UPK1A: variants seen among roughly 807,000 people sequenced by gnomAD.
UPK1A encodes the protein uroplakin-1a.
A neutral mutation model predicts 32.3 loss-of-function variants in UPK1A; 31 were observed. That is an observed-to-expected ratio of 0.96 (90% confidence interval 0.72 to 1.30). UPK1A has a LOEUF of 1.30. Ranked by LOEUF, UPK1A falls within the 50% of genes most tolerant of loss-of-function variation. UPK1A has a pLI of 0.00. For missense variants in UPK1A, 340 were observed against 357.4 expected (o/e 0.95, Z 0.39); for synonymous variants, 135 against 137.1 (o/e 0.98, Z 0.11).
At chr19:35,666,565 G>A in intron 1 of UPK1A, 27 bp downstream of exon 1, 1 of 523,866 alleles carries the variant, frequency 1.9e-6, no homozygotes, top group Non-Finnish European at 3.4e-6. Flanking sequence ...GGGAGTCTGG[G>A]TATGGCATGA....
chr19:35,671,778 G>T (rs759294276), intron 3 of UPK1A, among the ~76,000 whole-genome samples: 8 of 151,866 alleles, frequency 5.3e-5, no homozygotes, highest in Non-Finnish European at 1.0e-4. Context: ...TTTCTTACAG[G>T]AAATTTCTAA....
At position 35,666,537 on chromosome 19, in the gene UPK1A, A is replaced by T. The variant is rs972868166; in HGVS notation, c.-6A>T. ...TGGCCAGAGAGGCTGCAGACAGAGAAGGTGAGGAGGGGGCCCTGGGAGTCT... is the reference window on the plus strand; with the variant it reads ...TGGCCAGAGAGGCTGCAGACAGAGATGGTGAGGAGGGGGCCCTGGGAGTCT... On this transcript the variant is annotated splice_region_variant and 5_prime_UTR_variant, in exon 1 of 8. In the 5' UTR this introduces an upstream ATG that the reference lacks. Coordinates refer to ENST00000617999, the Ensembl canonical transcript of UPK1A. The T allele has an allele frequency of 2.2e-6, 1 of 454,276 alleles. No individual in the cohort carries two copies. 28.1% of individuals were successfully genotyped at this position (454,276 alleles called of 1,614,324 possible). A position where few individuals can be genotyped will look rare whatever the true frequency, so the allele number is the denominator to read the frequency against.
At chr19:35,670,531 CTCCCCTCCTT>C (rs1306474998) in intron 3 of UPK1A, among the ~76,000 whole-genome samples, 2 of 78,918 alleles carry the variant, frequency 2.5e-5, no homozygotes, top group African/African-American at 5.2e-5. Flanking sequence ...CTCCCCTCCC[CTCCCCTCCTT>C]TCCCCTCCCC....
chr19:35,673,232 T>G, exon 4 of UPK1A: 1 of 1,614,046 alleles, frequency 6.2e-7, no homozygotes, highest in Non-Finnish European at 8.5e-7. Flanking sequence ...GTCTCCCCAG[T>G]ACCTGGTGCT....
At chr19:35,675,549 G>A (rs1828853524) in intron 5 of UPK1A, among the ~76,000 whole-genome samples, 1 of 151,060 alleles carries the variant, frequency 6.6e-6, no homozygotes, top group Admixed American at 6.6e-5. Context: ...CCAGAGAGCT[G>A]GGATTACAGG....
Position 35,673,167 on chromosome 19 carries a change from C to G in UPK1A, c.286-65C>G. On this transcript the variant is annotated intron_variant, in intron 3 of 7. Coordinates refer to ENST00000617999, the Ensembl canonical transcript of UPK1A. Reference sequence around the variant, plus strand: ...TAAAACTTGCATTTCCCCAGTGATGCTTCCCTGACGGGGTGTGGCTTCACG... The same window carrying G: ...TAAAACTTGCATTTCCCCAGTGATGGTTCCCTGACGGGGTGTGGCTTCACG... 1.9e-6 allele frequency: 3 copies of G among 1,546,372 alleles called. No individual in the cohort carries two copies. The South Asian group carries it at 3.3e-5, about 17-fold the overall frequency.
chr19:35,678,029 G>T, exon 8 of UPK1A: 2 of 1,574,238 alleles, frequency 1.3e-6, no homozygotes, highest in African/African-American at 2.7e-5. Flanking sequence ...AGGGACAGGA[G>T]GGGAAGGCAA....
chr19:35,677,674 G>A (rs1261175743), intron 6 of UPK1A, 138 bp from the exon 7 acceptor site: 46 of 1,149,350 alleles, frequency 4.0e-5, no homozygotes, highest in Non-Finnish European at 4.9e-6. Context: ...GGTGGACAGT[G>A]CCATGGTCCC....
chr19:35,668,420 C>G, intron 2 of UPK1A, 34 bp from the exon 3 acceptor site: 1 of 1,612,988 alleles, frequency 6.2e-7, no homozygotes, highest in Non-Finnish European at 8.5e-7. Flanking sequence ...CTGCTGGCCC[C>G]GAGCAGACCT....
chr19:35,671,883 C>T (rs180758203), intron 3 of UPK1A, among the ~76,000 whole-genome samples: 32 of 152,194 alleles, frequency 2.1e-4, no homozygotes, highest in African/African-American at 6.7e-4. Flanking sequence ...CTCCTCTATC[C>T]CCCTTCTCTC....
intron 2 of UPK1A, among the ~76,000 whole-genome samples, chr19:35,667,287 T>C (rs180883990): frequency 3.3e-5 from 5 of 151,714 alleles, no homozygotes; most frequent in African/African-American, 9.7e-5. Flanking sequence ...TCAATTAACA[T>C]TGGGTTTTGG....
At position 35,671,280 on chromosome 19, in the gene UPK1A, G is replaced by A. The variant is rs533639650; in HGVS notation, c.286-1952G>A. Among the ~76,000 whole-genome samples the A allele has an allele frequency of 1.9e-4, 28 of 148,930 alleles. No homozygotes were observed. In the East Asian group the frequency reaches 4.6e-3, roughly 25 times the overall value. The stretch of plus-strand genomic sequence containing the variant: ...CGGGCGCCTGTAGTCCCAGCTACTC[G>A]GGAGGCTGAGGCAGGAGAATGGCGT... On this transcript the variant is annotated intron_variant, in intron 3 of 7. Transcript: ENST00000617999.
rs765114617 is a variant in UPK1A, at chr19:35,673,425, C to G, written c.361-13C>G. On this transcript the variant is annotated splice_polypyrimidine_tract_variant and intron_variant, in intron 4 of 7. Transcript: ENST00000617999. ...CAGCCCTGCCGGCCCTTGTTCTTCC[C>G]TGTTCTCCTCAGATGGTGTCCAACC... The G allele has an allele frequency of 6.2e-7, 1 of 1,613,410 alleles. No homozygotes were observed. The highest frequency in any genetic ancestry group is 1.3e-5 in the African/African-American group (1 of 74,924).
intron 2 of UPK1A, 169 bp from the exon 3 acceptor site, chr19:35,668,285 C>A: frequency 1.3e-6 from 1 of 790,240 alleles, no homozygotes; most frequent in Non-Finnish European, 2.1e-6. Flanking sequence ...TGTCTCTTCT[C>A]TCCTGGCCTC....
intron 6 of UPK1A, among the ~76,000 whole-genome samples, chr19:35,676,629 T>C (rs978479869): frequency 1.3e-5 from 2 of 151,662 alleles, no homozygotes; most frequent in East Asian, 2.0e-4. Context: ...CCGGGCGCGA[T>C]GGCTCATGCC....
chr19:35,673,402 G>T (rs1467003539), intron 4 of UPK1A, 36 bp from the exon 5 acceptor site: 2 of 1,611,822 alleles, frequency 1.2e-6, no homozygotes, highest in Admixed American at 1.7e-5. Flanking sequence ...TCCCCACCCA[G>T]CCCTGCCGGC....
intron 3 of UPK1A, among the ~76,000 whole-genome samples, chr19:35,672,137 CT>C (rs896896283): frequency 1.2e-4 from 18 of 150,544 alleles, no homozygotes; most frequent in African/African-American, 3.7e-4. Context: ...AACTGACAAG[CT>C]TTTTTTTTTC....
rs1463001404 is a variant in UPK1A at position 35,673,424 on chromosome 19, C to T, written c.361-14C>T. 3.7e-6 allele frequency: 6 copies of T among 1,613,504 alleles called. No homozygotes were observed. In the South Asian group the frequency reaches 6.6e-5, roughly 18 times the overall value. On this transcript the variant is annotated splice_polypyrimidine_tract_variant and intron_variant, in intron 4 of 7. Transcript: ENST00000617999. ...CCAGCCCTGCCGGCCCTTGTTCTTC[C>T]CTGTTCTCCTCAGATGGTGTCCAAC...
In UPK1A at chr19:35,669,499, TA is replaced by T. The variant is rs34854874; in HGVS notation, c.285+867del. 4.2e-3 allele frequency among the ~76,000 whole-genome samples: 490 copies of T among 116,284 alleles called. 2 individuals carry two copies. The highest frequency in any genetic ancestry group is 0.019 in the South Asian group (72 of 3,824). The allele number at this position is 116,284 out of a possible 152,430, so 76.3% of individuals were successfully genotyped here. A position where few individuals can be genotyped will look rare whatever the true frequency, so the allele number is the denominator to read the frequency against. ...GGCCAACATGGCGAAATCCCATCTC[TA>T]AAAAAAAAAAAAAAAAAAAAATTAG... On this transcript the variant is annotated intron_variant, in intron 3 of 7. Transcript: ENST00000617999.
Sources: gnomAD v4.1 joint callset for allele counts (sites outside exome capture counted in the v4.1 genomes callset) on GRCh38, gnomAD v4.1.1 for gene constraint, MANE v1.5 for transcripts, NCBI Gene and HGNC (gene_info 2026-07-23, HGNC 2026-07-21) for gene names.